The following PTPRE variants were observed in gnomAD, a reference collection of about 807,000 sequenced individuals.
The protein encoded by PTPRE is protein tyrosine phosphatase receptor type E, also known as receptor-type tyrosine-protein phosphatase epsilon.
A neutral mutation model predicts 102.0 loss-of-function variants in PTPRE; 51 were observed. The ratio of observed to expected loss-of-function variants is 0.50; its 90% CI spans 0.40 to 0.63. The LOEUF is 0.63. Among genes scored for constraint, PTPRE ranks in the 30% least tolerant of loss-of-function variants. PTPRE has a pLI of 0.00. For synonymous variants in PTPRE, 345 were observed against 348.2 expected (o/e 0.99, Z 0.10); for missense variants, 752 against 915.1 (o/e 0.82, Z 2.30).
rs776123218 is a variant in PTPRE, at chr10:128,049,549, G to A, written c.303G>A (p.Leu101=). The change falls in exon 6 of 21, where the codon CTG becomes CTA. Residue 101 remains leucine, a synonymous_variant. Coordinates refer to ENST00000254667, the MANE Select transcript of PTPRE (RefSeq NM_006504.6). ...CCACAGAGCAGCAAAGGGTGATGCT[G>A]CTCAGCAGGTCACCCTCAGGGCCCA... ...LEEQEQQRVM[L]LSRSPSGPKK... 3.1e-6 allele frequency: 5 copies of A among 1,613,966 alleles called. No homozygotes were observed. In the Admixed American group the frequency reaches 8.3e-5, roughly 27 times the overall value.
intron 2 of PTPRE, among the ~76,000 whole-genome samples, chr10:128,035,976 A>G (rs1442408313): frequency 6.6e-6 from 1 of 152,178 alleles, no homozygotes; most frequent in Non-Finnish European, 1.5e-5. Flanking sequence ...AGACAGTGTG[A>G]TGCCAGGAAG....
intron 11 of PTPRE, among the ~76,000 whole-genome samples, chr10:128,067,890 T>A (rs1484764363): frequency 6.6e-6 from 1 of 152,176 alleles, no homozygotes; most frequent in East Asian, 1.9e-4. Context: ...CTGCCTGACC[T>A]GGGCATAGAC....
chr10:127,989,931 C>T (rs900818575), intron 2 of PTPRE, among the ~76,000 whole-genome samples: 1 of 152,126 alleles, frequency 6.6e-6, no homozygotes, highest in African/African-American at 2.4e-5. Context: ...TTCATTCGCT[C>T]ACTGAGGGTT....
Position 128,068,294 on chromosome 10 carries a change from G to C in PTPRE, c.1007+8G>C. 1.2e-6 allele frequency: 2 copies of C among 1,608,874 alleles called. No individual in the cohort carries two copies. Among genetic ancestry groups the C allele is most frequent in the Non-Finnish European group, 8.5e-7 (1 of 1,176,480 alleles). ...CATCGTGGTCCACTGTAGGTACGCT[G>C]TGGGGGCCACGGGGCGGGACCCTCA... is the stretch of plus-strand genomic sequence containing the variant. On this transcript the variant is annotated splice_region_variant and intron_variant, in intron 12 of 20. Coordinates refer to ENST00000254667, the MANE Select transcript of PTPRE (RefSeq NM_006504.6).
At chr10:127,965,343 T>G (rs186440639) in intron 1 of PTPRE, among the ~76,000 whole-genome samples, 1 of 152,242 alleles carries the variant, frequency 6.6e-6, no homozygotes, top group Admixed American at 6.5e-5. Context: ...TGTGGCTATT[T>G]TAAGTATTTA....
In PTPRE at chr10:127,984,066, A is replaced by ATTTC. The variant is rs1337880282; in HGVS notation, c.-8+1782_-8+1785dup. On this transcript the variant is annotated intron_variant, in intron 2 of 20. Coordinates refer to ENST00000254667, the MANE Select transcript of PTPRE (RefSeq NM_006504.6). The stretch of plus-strand genomic sequence containing the variant: ...CTGGCCCCACCCTTCCTTTGCCTCC[A>ATTTC]TTTCTTTCTTTCTTTTTTTTTTTTT... Among the ~76,000 whole-genome samples the ATTTC allele has an allele frequency of 1.2e-3, 161 of 136,670 alleles. 2 individuals carry two copies. The highest frequency in any genetic ancestry group is 2.8e-3 in the South Asian group (12 of 4,314). The allele number at this position is 136,670 out of a possible 152,430, so 89.7% of individuals were successfully genotyped here. A position where few individuals can be genotyped will look rare whatever the true frequency, so the allele number is the denominator to read the frequency against.
At chr10:127,956,053 A>G (rs1306470402) in intron 1 of PTPRE, among the ~76,000 whole-genome samples, 1 of 152,120 alleles carries the variant, frequency 6.6e-6, no homozygotes, top group Admixed American at 6.5e-5. Flanking sequence ...TCAGGGATTA[A>G]TGTGTTTTTG....
chr10:128,031,016 G>T (rs773982077), intron 2 of PTPRE, among the ~76,000 whole-genome samples: 1 of 152,256 alleles, frequency 6.6e-6, no homozygotes, highest in Non-Finnish European at 1.5e-5. Flanking sequence ...CTTTGGAAGT[G>T]GGGAGGTGGG....
At chr10:127,982,393 G>A (rs1349797872) in intron 2 of PTPRE, 97 bp downstream of exon 2, 1 of 871,360 alleles carries the variant, frequency 1.1e-6, no homozygotes, top group Non-Finnish European at 1.6e-6. Flanking sequence ...TTGTTTTCTT[G>A]AGAAAGAAAG....
At chr10:128,002,376 G>T (rs1366113774) in intron 2 of PTPRE, among the ~76,000 whole-genome samples, 3 of 152,190 alleles carry the variant, frequency 2.0e-5, no homozygotes, top group African/African-American at 7.2e-5. Context: ...GAGCTGCCTA[G>T]GGAGGGGGCA....
chr10:127,992,639 T>A (rs1031889382), intron 2 of PTPRE, among the ~76,000 whole-genome samples: 2 of 152,184 alleles, frequency 1.3e-5, no homozygotes, highest in African/African-American at 2.4e-5. Flanking sequence ...ACCGCAGGCC[T>A]GGAGCCTCTC....
At chr10:127,916,487 A>G (rs976328252) in intron 1 of PTPRE, among the ~76,000 whole-genome samples, 4 of 152,186 alleles carry the variant, frequency 2.6e-5, no homozygotes, top group Non-Finnish European at 5.9e-5. Flanking sequence ...TCTTTCCTTT[A>G]TAAATTACCC....
chr10:127,990,433 A>G (rs982369688), intron 2 of PTPRE, among the ~76,000 whole-genome samples: 13 of 148,664 alleles, frequency 8.7e-5, no homozygotes, highest in Non-Finnish European at 1.9e-4. Context: ...AAAAAAAAAA[A>G]GAAAGAAAAG....
chr10:128,085,194 A>G lies in PTPRE; in HGVS notation c.*2288A>G, dbSNP rs76789814. The stretch of plus-strand genomic sequence containing the variant: ...ATGGCCTCTACCAAGGCCCCAGATC[A>G]CAGGATCTCCTGGGCCTTGGAGCAC... On this transcript the variant is annotated 3_prime_UTR_variant, in exon 21 of 21. Coordinates refer to ENST00000254667, the MANE Select transcript of PTPRE (RefSeq NM_006504.6). 8.4e-3 allele frequency: 3,667 copies of G among 436,386 alleles called. 33 individuals are homozygous for G. Among genetic ancestry groups the G allele is most frequent in the Non-Finnish European group, 0.013 (2,831 of 215,568 alleles). The allele number at this position is 436,386 out of a possible 1,614,324, so 27.0% of individuals were successfully genotyped here.
chr10:128,057,886 A>G (rs1227936965), intron 7 of PTPRE, among the ~76,000 whole-genome samples: 3 of 152,222 alleles, frequency 2.0e-5, no homozygotes, highest in Non-Finnish European at 4.4e-5. Context: ...GCTCAAAGGA[A>G]AGGAAGGCCA....
At chr10:127,951,325 A>G (rs1366132547) in intron 1 of PTPRE, among the ~76,000 whole-genome samples, 1 of 152,192 alleles carries the variant, frequency 6.6e-6, no homozygotes, top group Non-Finnish European at 1.5e-5. Flanking sequence ...CAAAGAACGT[A>G]TACTGTTCAT....
At chr10:128,029,088 C>T (rs1846505724) in intron 2 of PTPRE, among the ~76,000 whole-genome samples, 1 of 152,190 alleles carries the variant, frequency 6.6e-6, no homozygotes, top group African/African-American at 2.4e-5. Context: ...GAGTGGGTGG[C>T]TTTCATCTTC....
At chr10:127,988,396 C>T (rs909578867) in intron 2 of PTPRE, among the ~76,000 whole-genome samples, 7 of 148,562 alleles carry the variant, frequency 4.7e-5, no homozygotes, top group African/African-American at 1.5e-4. Context: ...AACTTTGCCT[C>T]CAGGGTTCAA....
intron 2 of PTPRE, among the ~76,000 whole-genome samples, chr10:127,991,299 G>A (rs1222826893): frequency 2.0e-5 from 3 of 152,210 alleles, no homozygotes; most frequent in Admixed American, 6.5e-5. Context: ...GCTGTTTCCC[G>A]TTGTGGGCGG....
Sources: allele counts gnomAD v4.1 joint callset (sites outside exome capture counted in the v4.1 genomes callset), GRCh38; gene constraint gnomAD v4.1.1; transcripts MANE v1.5; gene names NCBI Gene and HGNC (gene_info 2026-07-23, HGNC 2026-07-21).